HS6ST3: variants seen among roughly 807,000 people sequenced by gnomAD.
HS6ST3 encodes heparan sulfate 6-O-sulfotransferase 3.
HS6ST3 carries 12 observed loss-of-function variants against 36.7 expected under a neutral mutation model. The observed-to-expected ratio is 0.33, with a 90% CI of 0.21 to 0.53. The LOEUF (loss-of-function observed/expected upper bound fraction) is 0.53. HS6ST3 is among the 20% of genes least tolerant of loss of function. The pLI is 0.95. For synonymous variants in HS6ST3, 240 were observed against 257.5 expected (o/e 0.93, Z 0.65); for missense variants, 584 against 640.9 (o/e 0.91, Z 0.96).
intron 1 of HS6ST3, among the ~76,000 whole-genome samples, chr13:96,710,129 G>A (rs1267903397): frequency 1.3e-5 from 2 of 152,214 alleles, no homozygotes; most frequent in African/African-American, 4.8e-5. Flanking sequence ...TATTACTGCT[G>A]TGGTTACTAT....
intron 1 of HS6ST3, among the ~76,000 whole-genome samples, chr13:96,463,158 A>C (rs895991252): frequency 6.6e-6 from 1 of 152,264 alleles, no homozygotes; most frequent in South Asian, 2.1e-4. Context: ...TATTTGAAAA[A>C]AGAAAGTGCA....
chr13:96,323,485 G>T (rs2055014873), intron 1 of HS6ST3, among the ~76,000 whole-genome samples: 1 of 152,216 alleles, frequency 6.6e-6, no homozygotes, highest in Middle Eastern at 3.4e-3. Flanking sequence ...TTTCACCTTT[G>T]CTTTCTTGAA....
intron 1 of HS6ST3, among the ~76,000 whole-genome samples, chr13:96,510,086 T>TTTTTATTTTA (rs150117554): frequency 0.02 from 2,856 of 141,650 alleles, 43 homozygotes; most frequent in African/African-American, 0.035. Flanking sequence ...TTCCTAGGTA[T>TTTTTATTTTA]TTTTATTTTA....
intron 1 of HS6ST3, among the ~76,000 whole-genome samples, chr13:96,664,510 G>A (rs928501692): frequency 5.3e-5 from 8 of 152,076 alleles, no homozygotes; most frequent in Admixed American, 5.2e-4. Context: ...GAATATTAAT[G>A]CTTCCTGGGA....
intron 1 of HS6ST3, among the ~76,000 whole-genome samples, chr13:96,321,757 A>G (rs762973640): frequency 6.6e-6 from 1 of 152,120 alleles, no homozygotes; most frequent in Non-Finnish European, 1.5e-5. Flanking sequence ...TCCGTGGCAG[A>G]TTCAACCCTC....
chr13:96,234,324 C>T (rs1381375290), intron 1 of HS6ST3, among the ~76,000 whole-genome samples: 6 of 151,966 alleles, frequency 3.9e-5, no homozygotes, highest in Non-Finnish European at 5.9e-5. Flanking sequence ...GCAAGAGAAT[C>T]GTTTGAACCC....
intron 1 of HS6ST3, among the ~76,000 whole-genome samples, chr13:96,546,268 ATTCTTT>A (rs754340915): frequency 1.3e-4 from 20 of 152,026 alleles, no homozygotes; most frequent in Non-Finnish European, 1.9e-4. Context: ...GGATAATAGA[ATTCTTT>A]AGGGCCCTTC....
intron 1 of HS6ST3, among the ~76,000 whole-genome samples, chr13:96,624,080 T>C (rs2056504048): frequency 6.6e-6 from 1 of 152,212 alleles, no homozygotes; most frequent in Admixed American, 6.5e-5. Context: ...GTTTTATTTT[T>C]TATTGTGAAA....
At chr13:96,597,128 A>G (rs764194500) in intron 1 of HS6ST3, among the ~76,000 whole-genome samples, 102 of 152,118 alleles carry the variant, frequency 6.7e-4, no homozygotes, top group Non-Finnish European at 7.9e-4. Flanking sequence ...TTTAAATGGG[A>G]GCTAAATGAT....
intron 1 of HS6ST3, among the ~76,000 whole-genome samples, chr13:96,215,340 G>T (rs2054419601): frequency 6.6e-6 from 1 of 152,148 alleles, no homozygotes; most frequent in Non-Finnish European, 1.5e-5. Context: ...GACACAGCTT[G>T]GATAGCTTGG....
chr13:96,469,295 C>T (rs534566013), intron 1 of HS6ST3, among the ~76,000 whole-genome samples: 1 of 151,918 alleles, frequency 6.6e-6, no homozygotes, highest in Admixed American at 6.6e-5. Flanking sequence ...TTGAATCCCT[C>T]CCCCAACTTT....
intron 1 of HS6ST3, chr13:96,574,528 C>G (rs777584728): frequency 1.1e-5 from 4 of 362,154 alleles, no homozygotes; most frequent in African/African-American, 2.2e-5. Context: ...ATGACCAGTC[C>G]CACTCCCCTG....
At chr13:96,267,652 C>G (rs2054698818) in intron 1 of HS6ST3, among the ~76,000 whole-genome samples, 1 of 151,422 alleles carries the variant, frequency 6.6e-6, no homozygotes, top group Admixed American at 6.6e-5. Context: ...TTCTTTTATG[C>G]TAGTATAAAC....
chr13:96,441,835 G>A (rs2055672959), intron 1 of HS6ST3, among the ~76,000 whole-genome samples: 1 of 151,840 alleles, frequency 6.6e-6, no homozygotes, highest in African/African-American at 2.4e-5. Flanking sequence ...ACAGAAACAA[G>A]AGAAAAAGAT....
chr13:96,577,546 G>A (rs1402633143), intron 1 of HS6ST3, among the ~76,000 whole-genome samples: 3 of 152,168 alleles, frequency 2.0e-5, no homozygotes, highest in Non-Finnish European at 4.4e-5. Context: ...TAATGGGATT[G>A]CTGGGTCAAA....
At chr13:96,132,700 C>A (rs1217474016) in intron 1 of HS6ST3, among the ~76,000 whole-genome samples, 1 of 152,128 alleles carries the variant, frequency 6.6e-6, no homozygotes, top group Non-Finnish European at 1.5e-5. Context: ...GCCACTGCAC[C>A]CCCCAGCTAA....
At chr13:96,714,115 T>C (rs1875636192) in intron 1 of HS6ST3, among the ~76,000 whole-genome samples, 1 of 152,172 alleles carries the variant, frequency 6.6e-6, no homozygotes, top group Non-Finnish European at 1.5e-5. Flanking sequence ...TTTATGACCT[T>C]AGGGTAGGGA....
chr13:96,644,687 G>A (rs1229302797), intron 1 of HS6ST3, among the ~76,000 whole-genome samples: 1 of 151,926 alleles, frequency 6.6e-6, no homozygotes, highest in Non-Finnish European at 1.5e-5. Flanking sequence ...ACTCAAGATA[G>A]GATATGAAAA....
At chr13:96,600,033 A>G (rs1052137878) in intron 1 of HS6ST3, among the ~76,000 whole-genome samples, 1 of 151,916 alleles carries the variant, frequency 6.6e-6, no homozygotes, top group African/African-American at 2.4e-5. Context: ...ATTTATTGAG[A>G]CTTGTTTTGT....
Sources: gnomAD v4.1 joint callset for allele counts (sites outside exome capture counted in the v4.1 genomes callset) on GRCh38, gnomAD v4.1.1 for gene constraint, MANE v1.5 for transcripts, NCBI Gene and HGNC (gene_info 2026-07-23, HGNC 2026-07-21) for gene names.